Variants in TSC22D1 observed in about 807,000 individuals in gnomAD.
TSC22D1 encodes TSC22 domain family protein 1.
TSC22D1 carries 9 observed loss-of-function variants against 74.2 expected under a neutral mutation model. The ratio of observed to expected loss-of-function variants is 0.12; its 90% CI spans 0.07 to 0.21. TSC22D1 has a LOEUF of 0.21. TSC22D1 is among the 10% of genes least tolerant of loss of function. TSC22D1 has a pLI of 1.00. For missense variants in TSC22D1, 1,427 were observed against 1,304.7 expected, an observed-to-expected ratio of 1.09 and a Z score of -1.44; for synonymous variants, 586 against 492.5, an observed-to-expected ratio of 1.19 and a Z score of -2.51.
intron 1 of TSC22D1, among the ~76,000 whole-genome samples, chr13:44,452,366 A>T (rs1876212965): frequency 6.6e-6 from 1 of 152,194 alleles, no homozygotes; most frequent in Non-Finnish European, 1.5e-5. Context: ...TTTTAAAGTT[A>T]AAAAGTCTGC....
At chr13:44,523,763 A>T (rs1185034950) in intron 1 of TSC22D1, among the ~76,000 whole-genome samples, 2 of 152,350 alleles carry the variant, frequency 1.3e-5, no homozygotes, top group Non-Finnish European at 2.9e-5. Flanking sequence ...TAACAATATA[A>T]GTAGACAACT....
chr13:44,490,844 C>G (rs1377283317), intron 1 of TSC22D1, among the ~76,000 whole-genome samples: 1 of 151,178 alleles, frequency 6.6e-6, no homozygotes, highest in African/African-American at 2.4e-5. Context: ...TTGCGGTGAG[C>G]CAAGATTACG....
chr13:44,536,975 C>T (rs1033037904), intron 1 of TSC22D1: 7 of 847,900 alleles, frequency 8.3e-6, no homozygotes, highest in Non-Finnish European at 9.4e-6. Flanking sequence ...AAAACTAACA[C>T]ACAGAAAGAA....
intron 1 of TSC22D1, among the ~76,000 whole-genome samples, chr13:44,482,380 CA>C (rs1016100753): frequency 3.2e-4 from 49 of 150,982 alleles, no homozygotes; most frequent in Non-Finnish European, 6.7e-4. Flanking sequence ...ACTAAAAATA[CA>C]AAAAAAAATT....
intron 1 of TSC22D1, among the ~76,000 whole-genome samples, chr13:44,567,108 C>T (rs1043282925): frequency 6.6e-6 from 1 of 152,210 alleles, no homozygotes; most frequent in Non-Finnish European, 1.5e-5. Context: ...GCAGAACATA[C>T]TGAAAACAGG....
intron 1 of TSC22D1, among the ~76,000 whole-genome samples, chr13:44,490,002 A>G (rs980529326): frequency 6.6e-6 from 1 of 152,202 alleles, no homozygotes; most frequent in Non-Finnish European, 1.5e-5. Context: ...ACGAACATAC[A>G]CAAACCTACC....
At chr13:44,484,269 A>G (rs1242146397) in intron 1 of TSC22D1, among the ~76,000 whole-genome samples, 2 of 152,138 alleles carry the variant, frequency 1.3e-5, no homozygotes, top group African/African-American at 4.8e-5. Flanking sequence ...GGGAATGCTA[A>G]AAAAAATCCC....
At chr13:44,561,086 G>A (rs959271253) in intron 1 of TSC22D1, among the ~76,000 whole-genome samples, 4 of 152,152 alleles carry the variant, frequency 2.6e-5, no homozygotes, top group Non-Finnish European at 5.9e-5. Context: ...GAGAGGAGGG[G>A]ACATGGCTTT....
chr13:44,507,393 T>C (rs1048696201), intron 1 of TSC22D1, among the ~76,000 whole-genome samples: 2 of 151,714 alleles, frequency 1.3e-5, no homozygotes, highest in South Asian at 4.1e-4. Flanking sequence ...TAATACATTA[T>C]ACTGAAGGAC....
intron 1 of TSC22D1, among the ~76,000 whole-genome samples, chr13:44,558,561 G>A (rs1035725035): frequency 4.6e-5 from 7 of 151,838 alleles, no homozygotes; most frequent in African/African-American, 1.2e-4. Flanking sequence ...CCAAGATGAC[G>A]AAACCCCATC....
chr13:44,574,717 T>C lies in TSC22D1; in HGVS notation c.1358A>G (p.Gln453Arg), dbSNP rs1884076146. 1.2e-6 allele frequency: 2 copies of C among 1,613,974 alleles called. No individual in the cohort carries two copies. The highest frequency in any genetic ancestry group is 2.7e-5 in the African/African-American group (2 of 74,928). ...LINKVVETVK[Q>R]NPIEVTSERE... ...TTCAGAAGTCACTTCTATCGGATTT[T>C]GCTTTACAGTCTCCACCACTTTATT... is the stretch of plus-strand genomic sequence containing the variant. Residue 453 changes from glutamine (Q) to arginine (R), a missense_variant, in exon 1 of 3, where the codon CAA becomes CGA. By Grantham distance (43) the Gln-to-Arg change is conservative. This residue lies in a region of TSC22D1 where 1,343 missense variants were observed against 1,191.5 expected (regional missense o/e 1.13). Transcript: ENST00000458659.
At chr13:44,487,994 G>C (rs993823887) in intron 1 of TSC22D1, among the ~76,000 whole-genome samples, 1 of 151,982 alleles carries the variant, frequency 6.6e-6, no homozygotes, top group South Asian at 2.1e-4. Flanking sequence ...GGAGGTGGAG[G>C]TTGCAGTGAG....
chr13:44,500,107 A>AG (rs986349180), intron 1 of TSC22D1, among the ~76,000 whole-genome samples: 2 of 151,684 alleles, frequency 1.3e-5, no homozygotes, highest in African/African-American at 2.4e-5. Flanking sequence ...AAAAAAAAAA[A>AG]AAAAGAAAAG....
At chr13:44,522,398 A>G (rs1388776306) in intron 1 of TSC22D1, among the ~76,000 whole-genome samples, 1 of 152,204 alleles carries the variant, frequency 6.6e-6, no homozygotes, top group Non-Finnish European at 1.5e-5. Flanking sequence ...TGCCTTTAAA[A>G]TCACAAATCA....
At chr13:44,491,479 G>A (rs537023843) in intron 1 of TSC22D1, among the ~76,000 whole-genome samples, 71 of 149,734 alleles carry the variant, frequency 4.7e-4, no homozygotes, top group African/African-American at 1.3e-3. Flanking sequence ...GCATGAACCC[G>A]GCAGGCGGCG....
chr13:44,551,389 G>GGTGGGTGTGTGTGTGTGT (rs1298469090), intron 1 of TSC22D1, among the ~76,000 whole-genome samples: 92 of 125,306 alleles, frequency 7.3e-4, no homozygotes, highest in African/African-American at 2.6e-3. Flanking sequence ...CAATCAGATG[G>GGTGGGTGTGTGTGTGTGT]GTGTGTGTGT....
intron 1 of TSC22D1, among the ~76,000 whole-genome samples, chr13:44,440,935 G>A (rs1875146797): frequency 6.6e-6 from 1 of 152,150 alleles, no homozygotes; most frequent in Admixed American, 6.5e-5. Context: ...AAAAGATGAA[G>A]AAAATGTCTT....
chr13:44,436,762 C>T (rs776504517), intron 1 of TSC22D1: 312 of 1,480,880 alleles, frequency 2.1e-4, no homozygotes, highest in Non-Finnish European at 2.3e-4. Flanking sequence ...TAAAGAAACC[C>T]AGCTTCTAGG....
At chr13:44,470,455 T>A (rs938123098) in intron 1 of TSC22D1, among the ~76,000 whole-genome samples, 2 of 152,206 alleles carry the variant, frequency 1.3e-5, no homozygotes, top group Non-Finnish European at 2.9e-5. Flanking sequence ...ATTATTATTA[T>A]CTCATTCATA....
Sources: allele counts gnomAD v4.1 joint callset (sites outside exome capture counted in the v4.1 genomes callset), GRCh38; gene constraint gnomAD v4.1.1; regional missense constraint gnomAD v4.1.1; transcripts MANE v1.5; gene names NCBI Gene and HGNC (gene_info 2026-07-23, HGNC 2026-07-21).